The following SMCHD1 variants were observed in gnomAD, a reference collection of about 807,000 sequenced individuals.
SMCHD1 encodes structural maintenance of chromosomes flexible hinge domain containing 1, also known as structural maintenance of chromosomes flexible hinge domain-containing protein 1.
Under a neutral mutation model 254.7 loss-of-function variants are expected in SMCHD1, and 78 were observed. The observed-to-expected ratio is 0.31, with a 90% CI of 0.26 to 0.37. The LOEUF is 0.37. Ranked by LOEUF, SMCHD1 falls within the 10% of genes least tolerant of loss-of-function variation. The pLI, the probability that SMCHD1 is intolerant of heterozygous loss-of-function variation, is 1.00. For missense variants in SMCHD1, 1,840 were observed against 2,408.1 expected (o/e 0.76, Z 4.94); for synonymous variants, 766 against 794.9 (o/e 0.96, Z 0.61).
intron 1 of SMCHD1, among the ~76,000 whole-genome samples, chr18:2,664,473 T>A (rs996183418): frequency 5.3e-5 from 8 of 152,240 alleles, no homozygotes; most frequent in African/African-American, 1.9e-4. Context: ...ACTAGGTCTT[T>A]AATATTCCAC....
chr18:2,772,094 G>A (rs1433862405), intron 40 of SMCHD1, among the ~76,000 whole-genome samples, 156 bp from the exon 41 acceptor site: 1 of 151,660 alleles, frequency 6.6e-6, no homozygotes, highest in South Asian at 2.1e-4. Flanking sequence ...CTTTGTGTGT[G>A]TGTGTATTTT....
chr18:2,688,941 G>T (rs558726115), intron 7 of SMCHD1, among the ~76,000 whole-genome samples, 194 bp downstream of exon 7: 1 of 152,190 alleles, frequency 6.6e-6, no homozygotes, highest in East Asian at 1.9e-4. Context: ...TCTGTAAATT[G>T]CTTGTAGGAT....
At chr18:2,750,580 T>A in intron 32 of SMCHD1, 73 bp downstream of exon 32, 2 of 1,294,370 alleles carry the variant, frequency 1.5e-6, no homozygotes, top group Non-Finnish European at 2.1e-6. Context: ...AAATTACTTA[T>A]CCTAGGTTAA....
Position 2,754,049 on chromosome 18 carries a change from A to G in SMCHD1, c.4346+1497A>G, listed in dbSNP as rs985163302. On this transcript the variant is annotated intron_variant, in intron 34 of 47. Transcript: ENST00000320876. ...TGTATTATTTTTTATATTAATTTGT[A>G]GGAGTTCTTTATATATTAGAGATAC... 3.9e-5 allele frequency among the ~76,000 whole-genome samples: 6 copies of G among 152,124 alleles called. No homozygotes were observed. The East Asian group carries it at 1.2e-3, about 29-fold the overall frequency.
intron 3 of SMCHD1, among the ~76,000 whole-genome samples, chr18:2,668,030 C>T (rs182563069): frequency 1.2e-4 from 19 of 152,222 alleles, no homozygotes; most frequent in African/African-American, 4.6e-4. Context: ...CAGGCAGGCA[C>T]CACCACGCCT....
chr18:2,751,251 A>G (rs759605945), intron 32 of SMCHD1, 27 bp from the exon 33 acceptor site: 2 of 1,283,580 alleles, frequency 1.6e-6, no homozygotes. Context: ...CTAGAAAGAG[A>G]TAATTTTTTA....
intron 7 of SMCHD1, among the ~76,000 whole-genome samples, chr18:2,689,210 G>A (rs2074116914): frequency 7.0e-6 from 1 of 143,534 alleles, no homozygotes; most frequent in South Asian, 2.2e-4. Flanking sequence ...TTTGAAACAT[G>A]ATTTTTTTTC....
intron 25 of SMCHD1, among the ~76,000 whole-genome samples, chr18:2,733,052 C>T (rs2075173681): frequency 6.6e-6 from 1 of 152,176 alleles, no homozygotes; most frequent in Admixed American, 6.5e-5. Flanking sequence ...AACTTAACAC[C>T]TCACTGAACA....
At chr18:2,709,246 A>ATATG (rs1555635624) in intron 17 of SMCHD1, among the ~76,000 whole-genome samples, 5 of 107,474 alleles carry the variant, frequency 4.7e-5, no homozygotes, top group South Asian at 2.8e-4. Flanking sequence ...ATATATATAT[A>ATATG]TATACACACA....
At chr18:2,737,707 TA>T (rs1433405951) in intron 25 of SMCHD1, among the ~76,000 whole-genome samples, 1 of 152,064 alleles carries the variant, frequency 6.6e-6, no homozygotes, top group African/African-American at 2.4e-5. Context: ...ACCTTGTCTA[TA>T]AAAACCAAAA....
chr18:2,718,521 G>A lies in SMCHD1; in HGVS notation c.2458+87G>A. 1 of 1,178,238 alleles carries A rather than the reference G, an allele frequency of 8.5e-7. No individual in the cohort carries two copies. The highest frequency in any genetic ancestry group is 1.2e-6 in the Non-Finnish European group (1 of 850,104). 73.0% of individuals were successfully genotyped at this position (1,178,238 alleles called of 1,614,324 possible). ...AAAGAGAGATAAGCCATTAAAAGAT[G>A]TTTGAACAATTGGGTAACCATCTCG... On this transcript the variant is annotated intron_variant, in intron 19 of 47. Transcript: ENST00000320876. The surrounding 1 kb of genome is among the most constrained non-coding windows in gnomAD (Gnocchi z 4.6).
At chr18:2,748,795 T>A (rs1401587841) in intron 30 of SMCHD1, among the ~76,000 whole-genome samples, 2 of 152,176 alleles carry the variant, frequency 1.3e-5, no homozygotes, top group African/African-American at 4.8e-5. Flanking sequence ...TGGGGTCATA[T>A]TCAGACAATC....
intron 15 of SMCHD1, 179 bp downstream of exon 15, chr18:2,706,649 T>C: frequency 4.7e-6 from 2 of 428,360 alleles, no homozygotes; most frequent in South Asian, 8.4e-5. Context: ...CAAACAGAAT[T>C]CTGCATTTGT....
chr18:2,678,859 T>TG (rs1469919416), intron 5 of SMCHD1, among the ~76,000 whole-genome samples: 142 of 129,236 alleles, frequency 1.1e-3, no homozygotes, highest in South Asian at 2.8e-3. Flanking sequence ...TTTTTTGTTT[T>TG]TTTTTTTGAG....
intron 1 of SMCHD1, among the ~76,000 whole-genome samples, chr18:2,664,315 G>A (rs562572624): frequency 8.6e-5 from 13 of 151,520 alleles, no homozygotes; most frequent in African/African-American, 2.9e-4. Context: ...TTTTATAGTT[G>A]GTTTGTTTAA....
At chr18:2,788,925 ATCT>A (rs2076278297) in intron 45 of SMCHD1, among the ~76,000 whole-genome samples, 1 of 152,286 alleles carries the variant, frequency 6.6e-6, no homozygotes, top group East Asian at 1.9e-4. Flanking sequence ...TGTATAATTG[ATCT>A]TCTAGGAAAC....
intron 25 of SMCHD1, among the ~76,000 whole-genome samples, chr18:2,735,079 AG>A (rs2075222160): frequency 6.8e-6 from 1 of 147,462 alleles, no homozygotes; most frequent in African/African-American, 2.5e-5. Context: ...AAAAAAAAAA[AG>A]TTAATTCACC....
In SMCHD1 at chr18:2,718,249, C is replaced by G; in HGVS notation, c.2338+14C>G. The G allele has an allele frequency of 6.2e-7, 1 of 1,611,486 alleles. No individual in the cohort carries two copies. The highest frequency in any genetic ancestry group is 8.5e-7 in the Non-Finnish European group (1 of 1,178,536). ...TTAAAAAAATGGGTGAGTTCTTATTCTGAATGTTAAAAAATACATTGGTAT... is the reference window on the plus strand; with the variant it reads ...TTAAAAAAATGGGTGAGTTCTTATTGTGAATGTTAAAAAATACATTGGTAT... On this transcript the variant is annotated intron_variant, in intron 18 of 47. Coordinates refer to ENST00000320876, the MANE Select transcript of SMCHD1 (RefSeq NM_015295.3). This position sits in a 1 kb window ranked among gnomAD's most constrained non-coding sequence, Gnocchi z 4.6.
intron 44 of SMCHD1, among the ~76,000 whole-genome samples, chr18:2,784,059 T>C (rs2076201053): frequency 6.6e-6 from 1 of 152,200 alleles, no homozygotes; most frequent in Non-Finnish European, 1.5e-5. Flanking sequence ...TGTAATATTC[T>C]CCTTTTGCTA....
Sources: allele counts gnomAD v4.1 joint callset (sites outside exome capture counted in the v4.1 genomes callset), GRCh38; gene constraint gnomAD v4.1.1; non-coding constraint Gnocchi (gnomAD v3.1); transcripts MANE v1.5; gene names NCBI Gene and HGNC (gene_info 2026-07-23, HGNC 2026-07-21).